The following PLA2G1B variants were observed in gnomAD, a reference collection of about 807,000 sequenced individuals.
The protein encoded by PLA2G1B is phospholipase A2.
Under a neutral mutation model 12.5 loss-of-function variants are expected in PLA2G1B, and 12 were observed. The ratio of observed to expected loss-of-function variants is 0.96; its 90% CI spans 0.62 to 1.56. The LOEUF (loss-of-function observed/expected upper bound fraction) is 1.56. Among genes scored for constraint, PLA2G1B ranks in the 40% most tolerant of loss-of-function variants. The pLI is 0.00. For synonymous variants in PLA2G1B, 81 were observed against 73.4 expected, an observed-to-expected ratio of 1.10 and a Z score of -0.53; for missense variants, 189 against 186.7, an observed-to-expected ratio of 1.01 and a Z score of -0.07.
intron 1 of PLA2G1B, 31 bp from the exon 2 acceptor site, chr12:120,326,051 G>T: frequency 6.2e-7 from 1 of 1,609,092 alleles, no homozygotes. Flanking sequence ...AGTTCAAATC[G>T]GTCTGCCAGC....
Position 120,327,724 on chromosome 12 carries a change from G to A in PLA2G1B, c.30C>T (p.Leu10=), listed in dbSNP as rs1374767846. The A allele has an allele frequency of 1.2e-6, 2 of 1,613,958 alleles. No individual in the cohort carries two copies. The highest frequency in any genetic ancestry group is 1.7e-6 in the Non-Finnish European group (2 of 1,179,892). Residue 10 remains leucine, a synonymous_variant, in exon 1 of 4, where the codon CTC becomes CTT. Coordinates refer to ENST00000308366, the MANE Select transcript of PLA2G1B (RefSeq NM_000928.3). ...GAGCCGGGGAGACTTGCCTACCTGT[G>A]AGCAGCACAGCTAGCACAAGGAGTT... MKLLVLAVL[L]TVAAADSGIS...
At chr12:120,327,564 C>T (rs1873375270) in intron 1 of PLA2G1B, among the ~76,000 whole-genome samples, 156 bp downstream of exon 1, 1 of 152,176 alleles carries the variant, frequency 6.6e-6, no homozygotes, top group Middle Eastern at 3.2e-3. Context: ...GAGGGAACCC[C>T]AATAGAGGAG....
chr12:120,326,128 G>T, intron 1 of PLA2G1B, 108 bp from the exon 2 acceptor site: 1 of 1,164,646 alleles, frequency 8.6e-7, no homozygotes, highest in Admixed American at 1.9e-5. Context: ...CCTGCCAGCT[G>T]CCTCCTCTGA....
chr12:120,327,640 C>A (rs1873376468), intron 1 of PLA2G1B, 80 bp downstream of exon 1: 3 of 1,375,492 alleles, frequency 2.2e-6, no homozygotes, highest in Admixed American at 1.7e-5. Flanking sequence ...TTGCTGTGGC[C>A]TGTGGCCCCC....
chr12:120,322,124 C>A lies in PLA2G1B; in HGVS notation c.*69G>T. 1 of 1,489,786 alleles carries A rather than the reference C, an allele frequency of 6.7e-7. No homozygotes were observed. The highest frequency in any genetic ancestry group is 1.2e-5 in the South Asian group (1 of 81,802). The allele number at this position is 1,489,786 out of a possible 1,614,324, so 92.3% of individuals were successfully genotyped here. A position where few individuals can be genotyped will look rare whatever the true frequency, so the allele number is the denominator to read the frequency against. ...AATATCCAAACATGAGGTCTTTCAA[C>A]AAGGTGCTTTATTGGAGAGTACAGT... On this transcript the variant is annotated 3_prime_UTR_variant, in exon 4 of 4. Coordinates refer to ENST00000308366, the MANE Select transcript of PLA2G1B (RefSeq NM_000928.3).
chr12:120,325,442 C>A (rs900119516), intron 2 of PLA2G1B, among the ~76,000 whole-genome samples: 1 of 152,068 alleles, frequency 6.6e-6, no homozygotes, highest in Non-Finnish European at 1.5e-5. Context: ...TCAAGTGATC[C>A]GCCCGCCTCG....
intron 3 of PLA2G1B, among the ~76,000 whole-genome samples, chr12:120,322,613 T>C (rs1162083343): frequency 6.6e-6 from 1 of 151,950 alleles, no homozygotes; most frequent in East Asian, 1.9e-4. Context: ...TAAGACGGAG[T>C]TTCCCTTTTG....
Position 120,325,973 on chromosome 12 carries a change from G to A in PLA2G1B, c.82C>T (p.Arg28Cys). ...GISPRAVWQF[R>C]KMIKCVIPGS... ...GGGATCACGCACTTGATCATTTTGC[G>A]GAACTGCCACACGGCCCGAGGGCTG... Residue 28 changes from arginine (R) to cysteine (C), a missense_variant, in exon 2 of 4, where the codon CGC becomes TGC. Transcript: ENST00000308366. 1 of 1,614,116 alleles carries A rather than the reference G, an allele frequency of 6.2e-7. No homozygotes were observed. The highest frequency in any genetic ancestry group is 1.1e-5 in the South Asian group (1 of 91,086).
intron 2 of PLA2G1B, among the ~76,000 whole-genome samples, chr12:120,325,400 A>G (rs1377144325): frequency 6.6e-6 from 1 of 151,982 alleles, no homozygotes; most frequent in Non-Finnish European, 1.5e-5. Flanking sequence ...GGGTTTCACC[A>G]TGTTGGCCAG....
At chr12:120,325,191 T>C in intron 2 of PLA2G1B, 130 bp from the exon 3 acceptor site, 1 of 846,112 alleles carries the variant, frequency 1.2e-6, no homozygotes, top group Non-Finnish European at 1.9e-6. Flanking sequence ...TCCTATGGCT[T>C]GAAAAAATAT....
chr12:120,322,684 T>G (rs544576356), intron 3 of PLA2G1B, among the ~76,000 whole-genome samples: 5 of 152,252 alleles, frequency 3.3e-5, no homozygotes, highest in Admixed American at 3.3e-4. Flanking sequence ...CCTCCTGAGT[T>G]CAAGTGATAC....
In PLA2G1B at chr12:120,327,732, C is replaced by G; in HGVS notation, c.22G>C (p.Val8Leu). 6.2e-7 allele frequency: 1 copy of G among 1,614,024 alleles called. No individual in the cohort carries two copies. The highest frequency in any genetic ancestry group is 8.5e-7 in the Non-Finnish European group (1 of 1,179,940). Residue 8 changes from valine (V) to leucine (L), a missense_variant, in exon 1 of 4, where the codon GTG becomes CTG. By Grantham distance (32) the Val-to-Leu change is conservative (BLOSUM62 1). Transcript: ENST00000308366. MKLLVLA[V>L]LLTVAAADSG... is the part of the protein sequence containing the mutation. ...GAGACTTGCCTACCTGTGAGCAGCA[C>G]AGCTAGCACAAGGAGTTTCATCTTG...
Sources: gnomAD v4.1 joint callset for allele counts (sites outside exome capture counted in the v4.1 genomes callset) on GRCh38, gnomAD v4.1.1 for gene constraint, MANE v1.5 for transcripts, NCBI Gene and HGNC (gene_info 2026-07-23, HGNC 2026-07-21) for gene names.